The following TENM3 variants were observed in gnomAD, a reference collection of about 807,000 sequenced individuals.
TENM3 encodes the protein teneurin transmembrane protein 3.
A neutral mutation model predicts 255.1 loss-of-function variants in TENM3; 63 were observed. That is an observed-to-expected ratio of 0.25 (90% CI 0.20 to 0.30). The LOEUF is 0.30. Among genes scored for constraint, TENM3 ranks in the 10% least tolerant of loss-of-function variants. The pLI, the probability that TENM3 is intolerant of heterozygous loss-of-function variation, is 1.00. For missense variants in TENM3, 2,929 were observed against 3,461.1 expected (o/e 0.85, Z 3.86); for synonymous variants, 1,306 against 1,322.3 (o/e 0.99, Z 0.27).
chr4:182,779,687 T>C (rs956639066), intron 24 of TENM3, among the ~76,000 whole-genome samples: 2 of 151,564 alleles, frequency 1.3e-5, no homozygotes, highest in African/African-American at 4.8e-5. Context: ...AGTGTAAAAG[T>C]GTTCCTATTT....
chr4:181,638,395 C>T, the TENM3 span, among the ~76,000 whole-genome samples: 1 of 152,184 alleles, frequency 6.6e-6, no homozygotes, highest in East Asian at 1.9e-4. Context: ...TAGAAAAATA[C>T]TTAATGCCCC....
intron 12 of TENM3, among the ~76,000 whole-genome samples, chr4:182,691,094 C>G (rs1364200625): frequency 6.6e-6 from 1 of 152,234 alleles, no homozygotes; most frequent in African/African-American, 2.4e-5. Flanking sequence ...TTCCTTACTA[C>G]CTGTGTATAT....
chr4:181,917,812 C>T, the TENM3 span, among the ~76,000 whole-genome samples: 1,439 of 151,984 alleles, frequency 9.5e-3, 11 homozygotes, highest in Middle Eastern at 0.027. Context: ...CAGGTGCCCA[C>T]CATGACACCT....
the TENM3 span, among the ~76,000 whole-genome samples, chr4:182,026,275 T>C: frequency 6.6e-6 from 1 of 152,242 alleles, no homozygotes; most frequent in Admixed American, 6.5e-5. Context: ...GAGAAATGTC[T>C]GTTCAAATCT....
At chr4:181,455,492 T>C in the TENM3 span, among the ~76,000 whole-genome samples, 9 of 152,098 alleles carry the variant, frequency 5.9e-5, no homozygotes, top group Admixed American at 1.3e-4. Context: ...TTTAAAAGAC[T>C]TAGTATTTCA....
chr4:182,229,352 C>G (rs748200322), intron 1 of TENM3, among the ~76,000 whole-genome samples: 12 of 152,038 alleles, frequency 7.9e-5, no homozygotes, highest in Non-Finnish European at 1.5e-4. Context: ...ATAAAAACCC[C>G]GTAATAATTG....
the TENM3 span, among the ~76,000 whole-genome samples, chr4:181,823,744 T>A: frequency 6.6e-6 from 1 of 152,202 alleles, no homozygotes; most frequent in South Asian, 2.1e-4. Context: ...GTATTGAAAA[T>A]CTGGAAATGT....
At chr4:181,913,996 C>T in the TENM3 span, among the ~76,000 whole-genome samples, 1 of 152,162 alleles carries the variant, frequency 6.6e-6, no homozygotes, top group African/African-American at 2.4e-5. Flanking sequence ...AAAGCCAAAT[C>T]GCATCTTAGC....
intron 1 of TENM3, among the ~76,000 whole-genome samples, chr4:182,171,400 G>C (rs966576265): frequency 6.6e-6 from 1 of 151,936 alleles, no homozygotes; most frequent in African/African-American, 2.4e-5. Context: ...TTTCTTGTAT[G>C]AGCCGAGTGT....
chr4:181,686,347 C>T, the TENM3 span, among the ~76,000 whole-genome samples: 1 of 152,062 alleles, frequency 6.6e-6, no homozygotes, highest in Non-Finnish European at 1.5e-5. Context: ...CTTCTTAGTT[C>T]GTGATGTAAG....
At chr4:181,815,578 T>C in the TENM3 span, among the ~76,000 whole-genome samples, 1 of 150,754 alleles carries the variant, frequency 6.6e-6, no homozygotes, top group African/African-American at 2.4e-5. Flanking sequence ...TAGAAAAATA[T>C]AGAGGTTAAT....
intron 3 of TENM3, among the ~76,000 whole-genome samples, chr4:182,391,696 T>A (rs1350013873): frequency 1.3e-5 from 2 of 152,228 alleles, no homozygotes; most frequent in Non-Finnish European, 2.9e-5. Context: ...TATTTACTCT[T>A]TTTAGAGATG....
At chr4:181,483,300 G>A in the TENM3 span, among the ~76,000 whole-genome samples, 1 of 151,992 alleles carries the variant, frequency 6.6e-6, no homozygotes, top group African/African-American at 2.4e-5. Context: ...ACACTTCTCT[G>A]GTGAGAGGTA....
At chr4:182,538,232 C>T (rs931672597) in intron 3 of TENM3, among the ~76,000 whole-genome samples, 1 of 152,024 alleles carries the variant, frequency 6.6e-6, no homozygotes, top group East Asian at 1.9e-4. Context: ...TTATGGAGTT[C>T]CCAGAGGCAC....
chr4:182,677,320 G>A (rs1452369982), intron 7 of TENM3, among the ~76,000 whole-genome samples: 6 of 152,098 alleles, frequency 3.9e-5, no homozygotes, highest in Non-Finnish European at 7.3e-5. Context: ...AGTGTGATGC[G>A]AATGGTTATT....
the TENM3 span, among the ~76,000 whole-genome samples, chr4:181,711,084 A>C: frequency 1.3e-5 from 2 of 152,302 alleles, no homozygotes; most frequent in East Asian, 3.9e-4. Context: ...CCTTTTCTAC[A>C]TTAGAAAAAT....
At chr4:182,271,949 G>A (rs1049231678) in intron 1 of TENM3, among the ~76,000 whole-genome samples, 1 of 152,190 alleles carries the variant, frequency 6.6e-6, no homozygotes, top group Non-Finnish European at 1.5e-5. Flanking sequence ...TGAACAGGCG[G>A]CAGCTCTGCC....
At chr4:181,760,960 CCACACACATACACACACACA>C in the TENM3 span, among the ~76,000 whole-genome samples, 1 of 79,666 alleles carries the variant, frequency 1.3e-5, no homozygotes, top group African/African-American at 6.4e-5. Flanking sequence ...ATCTCCCCCA[CCACACACATACACACACACA>C]CACACACACA....
chr4:182,095,585 ACGG>A, the TENM3 span, among the ~76,000 whole-genome samples: 1 of 152,182 alleles, frequency 6.6e-6, no homozygotes, highest in Non-Finnish European at 1.5e-5. Context: ...ATCAATGGAT[ACGG>A]AAGTCCAGTT....
Sources: gnomAD v4.1 joint callset for allele counts (sites outside exome capture counted in the v4.1 genomes callset) on GRCh38, gnomAD v4.1.1 for gene constraint, MANE v1.5 for transcripts, NCBI Gene and HGNC (gene_info 2026-07-23, HGNC 2026-07-21) for gene names.